SCAPER: variants seen among roughly 807,000 people sequenced by gnomAD.
SCAPER encodes the protein S-phase cyclin A associated protein in the ER, also known as S phase cyclin A-associated protein in the endoplasmic reticulum.
SCAPER carries 98 observed loss-of-function variants against 182.2 expected under a neutral mutation model. The ratio of observed to expected loss-of-function variants is 0.54; its 90% CI spans 0.46 to 0.64. The LOEUF (loss-of-function observed/expected upper bound fraction) is 0.64, where lower values mean the gene tolerates loss of function less well. Among genes scored for constraint, SCAPER ranks in the 30% least tolerant of loss-of-function variants. The pLI is 0.00. For missense variants in SCAPER, 1,432 were observed against 1,690.0 expected, an observed-to-expected ratio of 0.85 and a Z score of 2.68; for synonymous variants, 605 against 564.6, an observed-to-expected ratio of 1.07 and a Z score of -1.01.
chr15:76,856,171 C>T (rs1397840096), intron 4 of SCAPER, among the ~76,000 whole-genome samples: 1 of 152,032 alleles, frequency 6.6e-6, no homozygotes, highest in African/African-American at 2.4e-5. Context: ...ATCGCAGAAA[C>T]AGAAAACCAA....
intron 22 of SCAPER, among the ~76,000 whole-genome samples, chr15:76,584,873 C>G (rs1009632108): frequency 2.0e-5 from 3 of 152,042 alleles, no homozygotes; most frequent in Admixed American, 1.3e-4. Flanking sequence ...TAAGAAAGTT[C>G]TATTCACAAA....
At chr15:76,626,494 A>G (rs930547682) in intron 21 of SCAPER, among the ~76,000 whole-genome samples, 4 of 152,212 alleles carry the variant, frequency 2.6e-5, no homozygotes, top group Non-Finnish European at 4.4e-5. Flanking sequence ...AGGCGGGTGG[A>G]TCACTTGAGG....
chr15:76,718,752 C>T (rs1164533361), intron 17 of SCAPER, among the ~76,000 whole-genome samples: 1 of 151,914 alleles, frequency 6.6e-6, no homozygotes, highest in Non-Finnish European at 1.5e-5. Context: ...GGTAAAGAAT[C>T]GCCATAGACA....
At chr15:76,850,057 C>T (rs754374243) in intron 4 of SCAPER, among the ~76,000 whole-genome samples, 13 of 152,146 alleles carry the variant, frequency 8.5e-5, no homozygotes, top group Admixed American at 3.9e-4. Flanking sequence ...ACCCTTGACA[C>T]GTGGGGATTA....
chr15:76,485,532 A>C (rs895092027), intron 24 of SCAPER, among the ~76,000 whole-genome samples: 2 of 152,184 alleles, frequency 1.3e-5, no homozygotes, highest in African/African-American at 4.8e-5. Context: ...TACAAAAAAC[A>C]ATTTTAAAAT....
intron 10 of SCAPER, among the ~76,000 whole-genome samples, chr15:76,768,697 T>C (rs2063256708): frequency 1.3e-5 from 2 of 151,942 alleles, no homozygotes; most frequent in Non-Finnish European, 2.9e-5. Flanking sequence ...AGAAAAGAAA[T>C]AGATCCACAG....
chr15:76,405,930 T>C (rs774745148), intron 26 of SCAPER, among the ~76,000 whole-genome samples: 10 of 152,214 alleles, frequency 6.6e-5, no homozygotes, highest in Non-Finnish European at 1.5e-4. Context: ...ATTCCAAGTT[T>C]ACTATGTTGA....
chr15:76,842,987 G>GT (rs1244138158), intron 4 of SCAPER, among the ~76,000 whole-genome samples: 1 of 152,056 alleles, frequency 6.6e-6, no homozygotes. Context: ...CCTTCCCAAA[G>GT]TTTTTTTCTA....
At chr15:76,707,184 A>G (rs1344147763) in intron 17 of SCAPER, among the ~76,000 whole-genome samples, 1 of 152,116 alleles carries the variant, frequency 6.6e-6, no homozygotes, top group African/African-American at 2.4e-5. Flanking sequence ...TAATACAACA[A>G]AAAGTGGTGG....
chr15:76,510,891 G>A (rs574506741), intron 23 of SCAPER, among the ~76,000 whole-genome samples: 213 of 152,002 alleles, frequency 1.4e-3, no homozygotes, highest in African/African-American at 4.7e-3. Flanking sequence ...GTGTGTGTGC[G>A]CGCGCGCACG....
intron 17 of SCAPER, among the ~76,000 whole-genome samples, chr15:76,714,821 A>G (rs562367343): frequency 2.1e-4 from 32 of 152,330 alleles, no homozygotes; most frequent in African/African-American, 7.7e-4. Context: ...GTAAATTGCG[A>G]AAATACATCA....
chr15:76,675,197 G>T (rs1367181238), intron 20 of SCAPER, among the ~76,000 whole-genome samples: 2 of 152,134 alleles, frequency 1.3e-5, no homozygotes, highest in African/African-American at 4.8e-5. Context: ...ATTTTGTAGA[G>T]AAAAATAATA....
At chr15:76,453,382 G>A (rs1037004377) in intron 25 of SCAPER, among the ~76,000 whole-genome samples, 1 of 152,140 alleles carries the variant, frequency 6.6e-6, no homozygotes, top group African/African-American at 2.4e-5. Context: ...TAGTTGTCAT[G>A]TCTCTTATTA....
chr15:76,891,682 A>G (rs1405275597), intron 1 of SCAPER, among the ~76,000 whole-genome samples: 2 of 152,242 alleles, frequency 1.3e-5, no homozygotes, highest in Non-Finnish European at 2.9e-5. Context: ...AACAAATGGA[A>G]GAATATTCCA....
chr15:76,636,458 TA>T (rs201439664), intron 21 of SCAPER, among the ~76,000 whole-genome samples: 21,174 of 143,074 alleles, frequency 0.15, 1,429 homozygotes, highest in African/African-American at 0.19. Flanking sequence ...ACCTTTAAAT[TA>T]AAAAAAAAAA....
At chr15:76,807,541 T>A (rs2066264031) in intron 5 of SCAPER, among the ~76,000 whole-genome samples, 1 of 152,112 alleles carries the variant, frequency 6.6e-6, no homozygotes, top group Non-Finnish European at 1.5e-5. Context: ...TTTTTTACTT[T>A]TTTTATTATA....
At chr15:76,810,156 T>C (rs2066482614) in intron 5 of SCAPER, among the ~76,000 whole-genome samples, 1 of 152,040 alleles carries the variant, frequency 6.6e-6, no homozygotes, top group Admixed American at 6.6e-5. Context: ...CATGAAAGCA[T>C]AAGTAAGCAA....
intron 16 of SCAPER, among the ~76,000 whole-genome samples, chr15:76,732,086 A>C (rs1376156352): frequency 1.3e-5 from 2 of 152,176 alleles, no homozygotes; most frequent in African/African-American, 4.8e-5. Context: ...AGAACACACT[A>C]TCTTTTAGAA....
intron 17 of SCAPER, among the ~76,000 whole-genome samples, chr15:76,720,905 G>C (rs2060199315): frequency 6.6e-6 from 1 of 152,118 alleles, no homozygotes; most frequent in Non-Finnish European, 1.5e-5. Flanking sequence ...GGTTTCTTTT[G>C]CTGTGCAGAA....
Sources: gnomAD v4.1 joint callset for allele counts (sites outside exome capture counted in the v4.1 genomes callset) on GRCh38, gnomAD v4.1.1 for gene constraint, MANE v1.5 for transcripts, NCBI Gene and HGNC (gene_info 2026-07-23, HGNC 2026-07-21) for gene names.